Variants in RFTN1 observed in about 807,000 individuals in gnomAD.
RFTN1 encodes raftlin, lipid raft linker 1, also known as raftlin.
A neutral mutation model predicts 46.5 loss-of-function variants in RFTN1; 26 were observed. The observed-to-expected ratio is 0.56, with a 90% CI of 0.41 to 0.78. The LOEUF is 0.78. Ranked by LOEUF, RFTN1 falls within the 30% of genes least tolerant of loss-of-function variation. The pLI is 0.00. For missense variants in RFTN1, 693 were observed against 718.7 expected, an observed-to-expected ratio of 0.96 and a Z score of 0.41; for synonymous variants, 261 against 284.2, an observed-to-expected ratio of 0.92 and a Z score of 0.82.
intron 6 of RFTN1, among the ~76,000 whole-genome samples, chr3:16,365,798 T>C (rs1007830934): frequency 1.1e-4 from 17 of 151,512 alleles, no homozygotes; most frequent in African/African-American, 4.1e-4. Flanking sequence ...AATGACACCA[T>C]GAGCCCTGAC....
chr3:16,503,041 C>G (rs2076738995), intron 1 of RFTN1, among the ~76,000 whole-genome samples: 1 of 152,130 alleles, frequency 6.6e-6, no homozygotes, highest in Non-Finnish European at 1.5e-5. Flanking sequence ...TAAAAGATAC[C>G]TAATAGGAGT....
chr3:16,340,598 T>C (rs1326362494), intron 7 of RFTN1, among the ~76,000 whole-genome samples: 1 of 152,258 alleles, frequency 6.6e-6, no homozygotes, highest in African/African-American at 2.4e-5. Context: ...TGATAGAGAC[T>C]GAAAAACAAA....
At position 16,409,833 on chromosome 3, in the gene RFTN1, C is replaced by T. The variant is rs550360945; in HGVS notation, c.333-350G>A. Reference sequence around the variant, plus strand: ...CCCAGTAGCTGGGACTACAGGCGCCCGCCACTGCGCCCAGCTAATTTTTTT... The same window carrying T: ...CCCAGTAGCTGGGACTACAGGCGCCTGCCACTGCGCCCAGCTAATTTTTTT... On this transcript the variant is annotated intron_variant, in intron 3 of 9. Transcript: ENST00000334133. Among the ~76,000 whole-genome samples, 33 of 152,072 alleles carry T rather than the reference C, an allele frequency of 2.2e-4. No individual in the cohort carries two copies. In the East Asian group the frequency reaches 6.0e-3, roughly 28 times the overall value.
At chr3:16,392,680 CATATAT>C (rs56680725) in intron 4 of RFTN1, among the ~76,000 whole-genome samples, 1 of 150,076 alleles carries the variant, frequency 6.7e-6, no homozygotes, top group Admixed American at 6.6e-5. Context: ...CACACACACA[CATATAT>C]ATATATATCA....
rs1015235344 is a variant in RFTN1, at chr3:16,338,551, A to T, written c.1147-11675T>A. ...TGAGGGGGTCCTCCCAGGCCAACTT[A>T]GAAATAGCTTTGTTTGATAACAATT... On this transcript the variant is annotated intron_variant, in intron 7 of 9. Transcript: ENST00000334133. The surrounding 1 kb of genome is among the most constrained non-coding windows in gnomAD (Gnocchi z 5.3). Among the ~76,000 whole-genome samples the T allele has an allele frequency of 1.5e-4, 23 of 152,248 alleles. No homozygotes were observed. The highest frequency in any genetic ancestry group is 4.8e-4 in the African/African-American group (20 of 41,468).
At chr3:16,323,244 G>A in intron 9 of RFTN1, 132 bp downstream of exon 9, 1 of 655,284 alleles carries the variant, frequency 1.5e-6, no homozygotes, top group South Asian at 1.9e-5. Flanking sequence ...GGGTTGCCAG[G>A]GGCTCAGGTG....
rs2124899122 is a variant in RFTN1, at chr3:16,448,467, A to T, written c.146-14430T>A. ...TGAGGTCACTTCTTTTTCCCAAAATAAATCCATAACACCAAGGAATGGGGA... is the reference window on the plus strand; with the variant it reads ...TGAGGTCACTTCTTTTTCCCAAAATTAATCCATAACACCAAGGAATGGGGA... On this transcript the variant is annotated intron_variant, in intron 2 of 9. Transcript: ENST00000334133. The surrounding 1 kb of genome is among the most constrained non-coding windows in gnomAD (Gnocchi z 4.1). Among the ~76,000 whole-genome samples, 1 of 152,350 alleles carries T rather than the reference A, an allele frequency of 6.6e-6. No homozygotes were observed. The highest frequency in any genetic ancestry group is 2.1e-4 in the South Asian group (1 of 4,832).
At chr3:16,357,605 G>A (rs775889916) in intron 7 of RFTN1, among the ~76,000 whole-genome samples, 3 of 142,892 alleles carry the variant, frequency 2.1e-5, no homozygotes, top group African/African-American at 7.4e-5. Flanking sequence ...GAGTATTAAC[G>A]GAGGCCACAA....
chr3:16,454,817 A>T, intron 2 of RFTN1: 1 of 984,282 alleles, frequency 1.0e-6, no homozygotes, highest in Non-Finnish European at 1.2e-6. Flanking sequence ...GAAGGCAGGG[A>T]CTTTGTCTTG....
chr3:16,399,531 T>C (rs2074553039), intron 4 of RFTN1, among the ~76,000 whole-genome samples: 1 of 152,134 alleles, frequency 6.6e-6, no homozygotes, highest in African/African-American at 2.4e-5. Context: ...CTGGCCTCCA[T>C]CCCCCACACT....
chr3:16,422,746 A>C lies in RFTN1; in HGVS notation c.332+11105T>G, dbSNP rs1200435403. 6.6e-6 allele frequency among the ~76,000 whole-genome samples: 1 copy of C among 152,248 alleles called. No homozygotes were observed. Among genetic ancestry groups the C allele is most frequent in the Non-Finnish European group, 1.5e-5 (1 of 68,042 alleles). ...AAGTAGATCAAAGAAACAATAAAGA[A>C]TCAGGAATAGATTGGGATGTACATA... On this transcript the variant is annotated intron_variant, in intron 3 of 9. Transcript: ENST00000334133. The surrounding 1 kb of genome is among the most constrained non-coding windows in gnomAD (Gnocchi z 4.6).
intron 4 of RFTN1, among the ~76,000 whole-genome samples, chr3:16,393,651 CTT>C (rs35917033): frequency 2.8e-5 from 4 of 141,700 alleles, no homozygotes; most frequent in Admixed American, 6.9e-5. Context: ...AGCTGATGGA[CTT>C]TTTTTTTTTA....
At position 16,442,489 on chromosome 3, in the gene RFTN1, G is replaced by T. The variant is rs1201677400; in HGVS notation, c.146-8452C>A. ...TGTGTATATTCAAGGTGTACAACATGATGCCTCAATGTATATATACTTAGT... is the reference window on the plus strand; with the variant it reads ...TGTGTATATTCAAGGTGTACAACATTATGCCTCAATGTATATATACTTAGT... On this transcript the variant is annotated intron_variant, in intron 2 of 9. Transcript: ENST00000334133. The surrounding 1 kb of genome is among the most constrained non-coding windows in gnomAD (Gnocchi z 4.1). Among the ~76,000 whole-genome samples the T allele has an allele frequency of 6.6e-6, 1 of 152,050 alleles. No individual in the cohort carries two copies. Among genetic ancestry groups the T allele is most frequent in the Admixed American group, 6.6e-5 (1 of 15,266 alleles).
chr3:16,414,051 T>A (rs1021620744), intron 3 of RFTN1, among the ~76,000 whole-genome samples: 2 of 152,222 alleles, frequency 1.3e-5, no homozygotes, highest in Non-Finnish European at 1.5e-5. Context: ...TGATCTGTTA[T>A]TATCATCTAT....
rs948614358 is a variant in RFTN1 at position 16,327,934 on chromosome 3, C to G, written c.1147-1058G>C. ...TCAAAGTGTAGCCCCCACCCCTGCT[C>G]TGTGTGTAACTGGACTCCTCATCCC... On this transcript the variant is annotated intron_variant, in intron 7 of 9. Coordinates refer to ENST00000334133, the MANE Select transcript of RFTN1 (RefSeq NM_015150.2). This position sits in a 1 kb window ranked among gnomAD's most constrained non-coding sequence, Gnocchi z 4.2. 2.0e-5 allele frequency among the ~76,000 whole-genome samples: 3 copies of G among 152,190 alleles called. No individual in the cohort carries two copies. Among genetic ancestry groups the G allele is most frequent in the Non-Finnish European group, 2.9e-5 (2 of 68,036 alleles).
chr3:16,418,561 A>G lies in RFTN1; in HGVS notation c.333-9078T>C, dbSNP rs1025770281. On this transcript the variant is annotated intron_variant, in intron 3 of 9. Coordinates refer to ENST00000334133, the MANE Select transcript of RFTN1 (RefSeq NM_015150.2). The surrounding 1 kb of genome is among the most constrained non-coding windows in gnomAD (Gnocchi z 5.0). The stretch of plus-strand genomic sequence containing the variant: ...GGCACTTCTCCAGCCAGGAAAAAAA[A>G]TACTAAACGTCAGTTGACAAAAACA... Among the ~76,000 whole-genome samples, 2 of 152,234 alleles carry G rather than the reference A, an allele frequency of 1.3e-5. No individual in the cohort carries two copies. The highest frequency in any genetic ancestry group is 2.9e-5 in the Non-Finnish European group (2 of 68,052).
At position 16,489,479 on chromosome 3, in the gene RFTN1, G is replaced by A. The variant is rs1401621872; in HGVS notation, c.145+4246C>T. Reference sequence around the variant, plus strand: ...GTCTGGGGTTGGAGGGATAACAAAGGGGCATGAGGAAACTTCTGGGGCAAT... The same window carrying A: ...GTCTGGGGTTGGAGGGATAACAAAGAGGCATGAGGAAACTTCTGGGGCAAT... On this transcript the variant is annotated intron_variant, in intron 2 of 9. Transcript: ENST00000334133. This position sits in a 1 kb window ranked among gnomAD's most constrained non-coding sequence, Gnocchi z 4.0. Among the ~76,000 whole-genome samples the A allele has an allele frequency of 1.3e-5, 2 of 152,148 alleles. No individual in the cohort carries two copies. Among genetic ancestry groups the A allele is most frequent in the Admixed American group, 1.3e-4 (2 of 15,258 alleles).
chr3:16,482,585 C>T (rs2076384859), intron 2 of RFTN1, among the ~76,000 whole-genome samples: 2 of 152,206 alleles, frequency 1.3e-5, no homozygotes, highest in South Asian at 2.1e-4. Context: ...GCTCATCACA[C>T]ATTCGTTGCA....
At position 16,468,315 on chromosome 3, in the gene RFTN1, A is replaced by G. The variant is rs1386008556; in HGVS notation, c.145+25410T>C. ...AACCCTCACTGTCGTTCGTTTTTGA[A>G]GTACCTGCATTCTGTCTCGAGTTTC... is the stretch of plus-strand genomic sequence containing the variant. On this transcript the variant is annotated intron_variant, in intron 2 of 9. Transcript: ENST00000334133. The surrounding 1 kb of genome is among the most constrained non-coding windows in gnomAD (Gnocchi z 4.4). Among the ~76,000 whole-genome samples the G allele has an allele frequency of 1.3e-5, 2 of 152,160 alleles. No homozygotes were observed. Among genetic ancestry groups the G allele is most frequent in the Admixed American group, 1.3e-4 (2 of 15,274 alleles).
Sources: allele counts gnomAD v4.1 joint callset (sites outside exome capture counted in the v4.1 genomes callset), GRCh38; gene constraint gnomAD v4.1.1; non-coding constraint Gnocchi (gnomAD v3.1); transcripts MANE v1.5; gene names NCBI Gene and HGNC (gene_info 2026-07-23, HGNC 2026-07-21).